The following TBX22 variants were observed in gnomAD, a reference collection of about 807,000 sequenced individuals.
TBX22 encodes the protein T-box transcription factor 22, also known as T-box transcription factor TBX22.
TBX22 carries 8 observed loss-of-function variants against 30.1 expected under a neutral mutation model. The ratio of observed to expected loss-of-function variants is 0.27; its 90% CI spans 0.16 to 0.48. The LOEUF is 0.48. TBX22 is among the 20% of genes least tolerant of loss of function. TBX22 has a pLI of 0.99. For synonymous variants in TBX22, 173 were observed against 149.1 expected, an observed-to-expected ratio of 1.16 and a Z score of -1.17; for missense variants, 463 against 400.5, an observed-to-expected ratio of 1.16 and a Z score of -1.33.
intron 4 of TBX22, 90 bp downstream of exon 4, chrX:80,024,254 A>C: frequency 5.0e-6 from 4 of 802,017 alleles, no homozygotes; most frequent in Non-Finnish European, 5.6e-6. Context: ...ATGACTTTGA[A>C]AACTCTAGCA....
intron 3 of TBX22, 95 bp downstream of exon 3, chrX:80,023,335 G>C: frequency 1.2e-6 from 1 of 865,974 alleles, no homozygotes. Context: ...TTTATGCTCT[G>C]GTACTCCTCT....
Position 80,024,103 on chromosome X carries a change from G to C in TBX22, c.397G>C (p.Asp133His), listed in dbSNP as rs1923853970. 1.7e-6 allele frequency: 2 copies of C among 1,209,329 alleles called. No individual in the cohort carries two copies. Among genetic ancestry groups the C allele is most frequent in the Non-Finnish European group, 1.1e-6 (1 of 895,096 alleles). ...TGTTCGGGTCAAGGTGAAAGGGTTG[G>C]ATCCAGGGAAGCAGTACCATGTGGC... is the stretch of plus-strand genomic sequence containing the variant. ...PSVRVKVKGL[D>H]PGKQYHVAID... Residue 133 changes from aspartate to histidine, a missense_variant, in exon 4 of 9, where the codon GAT becomes CAT. Coordinates refer to ENST00000373296, the MANE Select transcript of TBX22 (RefSeq NM_001109878.2).
chrX:80,023,008 A>C (rs1194982012), intron 2 of TBX22, 52 bp from the exon 3 acceptor site: 9 of 1,146,645 alleles, frequency 7.8e-6, no homozygotes, highest in Admixed American at 4.5e-5. Flanking sequence ...AGAAGTGGGC[A>C]TGTGAACTGT....
At chrX:80,027,373 A>ATT in intron 7 of TBX22, 53 bp downstream of exon 7, 25 of 550,019 alleles carry the variant, frequency 4.5e-5, no homozygotes, top group African/African-American at 5.8e-5. Context: ...TATTTTCACA[A>ATT]GTTTTTTTTT....
intron 8 of TBX22, among the ~76,000 whole-genome samples, chrX:80,029,559 A>G (rs1924146613): frequency 8.9e-6 from 1 of 112,266 alleles, no homozygotes; most frequent in Non-Finnish European, 1.9e-5. Context: ...GCTTTTAAAT[A>G]TATTGCTTTC....
At chrX:80,026,134 G>A (rs745581761) in intron 5 of TBX22, among the ~76,000 whole-genome samples, 14 of 111,214 alleles carry the variant, frequency 1.3e-4, no homozygotes, top group Non-Finnish European at 2.1e-4. Flanking sequence ...TGTAGTCCAC[G>A]CAGTTGGATG....
At chrX:80,024,319 T>G (rs929644040) in intron 4 of TBX22, among the ~76,000 whole-genome samples, 155 bp downstream of exon 4, 2 of 111,438 alleles carry the variant, frequency 1.8e-5, no homozygotes, top group Non-Finnish European at 3.8e-5. Context: ...TTGAATTTTC[T>G]TATTAAAATT....
intron 4 of TBX22, 103 bp downstream of exon 4, chrX:80,024,267 G>T: frequency 5.5e-6 from 4 of 726,706 alleles, no homozygotes; most frequent in South Asian, 4.4e-5. Context: ...CTCTAGCATG[G>T]GGGGTGGGAG....
At chrX:80,023,632 G>T in intron 3 of TBX22, among the ~76,000 whole-genome samples, 1 of 111,533 alleles carries the variant, frequency 9.0e-6, no homozygotes, top group Non-Finnish European at 1.9e-5. Flanking sequence ...TTATTTTGAG[G>T]TGAGCCATTC....
At chrX:80,027,913 G>T in intron 7 of TBX22, 78 bp from the exon 8 acceptor site, 1 of 749,580 alleles carries the variant, frequency 1.3e-6, no homozygotes, top group Non-Finnish European at 2.1e-6. Context: ...ACATCTGAAA[G>T]ATATAGCAAA....
At chrX:80,015,168 C>T (rs1016487124) in intron 1 of TBX22, among the ~76,000 whole-genome samples, 7 of 112,017 alleles carry the variant, frequency 6.2e-5, no homozygotes, top group African/African-American at 2.3e-4. Flanking sequence ...TGCTGTAATA[C>T]CCAAAGAAGC....
intron 5 of TBX22, among the ~76,000 whole-genome samples, chrX:80,026,162 A>G (rs943587465): frequency 1.8e-5 from 2 of 110,959 alleles, no homozygotes; most frequent in Non-Finnish European, 1.9e-5. Context: ...AGTGTATGGT[A>G]TGTGTGATGG....
Position 80,030,575 on chromosome X carries a change from T to C in TBX22, c.1027T>C (p.Cys343Arg). ...SPLNSLLSPLCFSPMFHLPTS... is the reference protein window; with the variant it reads ...SPLNSLLSPLRFSPMFHLPTS... ...TTTGAACTCCTTACTTTCTCCACTT[T>C]GCTTTTCACCTATGTTTCATTTACC... Residue 343 changes from cysteine to arginine, a missense_variant, in exon 9 of 9, where the codon TGC (cysteine) becomes CGC (arginine). Physicochemically the swap from Cys to Arg is radical, Grantham distance 180 (BLOSUM62 -3). Coordinates refer to ENST00000373296, the MANE Select transcript of TBX22 (RefSeq NM_001109878.2). 3 of 1,211,772 alleles carry C rather than the reference T, an allele frequency of 2.5e-6. No individual in the cohort carries two copies. Among genetic ancestry groups the C allele is most frequent in the Non-Finnish European group, 3.4e-6 (3 of 895,443 alleles).
chrX:80,031,106 C>A lies in TBX22; in HGVS notation c.1558C>A (p.Leu520Ile). ...TTGGTATCCAGCAATTAACCATTAC[C>A]TTTAGTAAGACAATAGCATTTCTAG... ...VHWYPAINHY[L>I] Residue 520 changes from leucine to isoleucine, a missense_variant, in exon 9 of 9, where the codon CTT becomes ATT. Leu to Ile is a conservative substitution (Grantham distance 5). Coordinates refer to ENST00000373296, the MANE Select transcript of TBX22 (RefSeq NM_001109878.2). 8.3e-7 allele frequency: 1 copy of A among 1,206,653 alleles called. No homozygotes were observed. Among genetic ancestry groups the A allele is most frequent in the Non-Finnish European group, 1.1e-6 (1 of 892,174 alleles).
rs7887798 is a variant in TBX22, at chrX:80,024,270, G to A, written c.458+106G>A. The A allele has an allele frequency of 3.1e-3, 2,176 of 700,729 alleles. 38 individuals carry two copies. In the African/African-American group the frequency reaches 0.04, roughly 13 times the overall value. 57.7% of individuals were successfully genotyped at this position (700,729 alleles called of 1,213,427 possible). Reference sequence around the variant, plus strand: ...TGACTTTGAAAACTCTAGCATGGGGGGTGGGAGTGGGGGATTGCTCTCCTG... The same window carrying A: ...TGACTTTGAAAACTCTAGCATGGGGAGTGGGAGTGGGGGATTGCTCTCCTG... On this transcript the variant is annotated intron_variant, in intron 4 of 8. Transcript: ENST00000373296.
intron 1 of TBX22, among the ~76,000 whole-genome samples, chrX:80,018,233 T>C (rs1332379459): frequency 2.2e-4 from 25 of 111,984 alleles, no homozygotes. Context: ...AGCTACGAGT[T>C]AGGGTCTTGT....
rs749803887 is a variant in TBX22, at chrX:80,026,759, G to A, written c.689G>A (p.Gly230Asp). The change falls in exon 6 of 9, where the codon GGC becomes GAC. Residue 230 changes from glycine (G) to aspartate (D), a missense_variant. Physicochemically the swap from Gly to Asp is moderately conservative, Grantham distance 94. Transcript: ENST00000373296. Reference protein sequence around the residue: ...YKPRVHVIEQGSSVDLSQIQS... With the variant: ...YKPRVHVIEQDSSVDLSQIQS... ...CCCCGAGTGCACGTGATAGAGCAAG[G>A]CAGCAGTGTTGACCTGTCCCAGATT... 6.6e-6 allele frequency: 8 copies of A among 1,209,396 alleles called. No individual in the cohort carries two copies. The East Asian group carries it at 2.4e-4, about 36-fold the overall frequency.
intron 3 of TBX22, 137 bp from the exon 4 acceptor site, chrX:80,023,926 A>G: frequency 3.6e-6 from 2 of 555,512 alleles, no homozygotes. Context: ...AGCAAATGCT[A>G]TTCCTTGCTA....
intron 1 of TBX22, among the ~76,000 whole-genome samples, chrX:80,017,862 T>C (rs1481921298): frequency 8.9e-6 from 1 of 111,946 alleles, no homozygotes; most frequent in African/African-American, 3.2e-5. Flanking sequence ...ATGTTGTAAT[T>C]ATTATCATAG....
Sources: gnomAD v4.1 joint callset for allele counts (sites outside exome capture counted in the v4.1 genomes callset) on GRCh38, gnomAD v4.1.1 for gene constraint, MANE v1.5 for transcripts, NCBI Gene and HGNC (gene_info 2026-07-23, HGNC 2026-07-21) for gene names.